TBC1D14: variants seen among roughly 807,000 people sequenced by gnomAD.
TBC1D14 encodes TBC1 domain family, member 14.
In TBC1D14, 26 loss-of-function variants were observed where a neutral mutation model predicts 79.0. The observed-to-expected ratio is 0.33, with a 90% CI of 0.24 to 0.46. The LOEUF (loss-of-function observed/expected upper bound fraction) is 0.46, where lower values mean the gene tolerates loss of function less well. Ranked by LOEUF, TBC1D14 falls within the 20% of genes least tolerant of loss-of-function variation. The probability of loss-of-function intolerance (pLI) is 1.00; values close to 1 mark genes in which losing one functional copy is unlikely to be tolerated. For synonymous variants in TBC1D14, 394 were observed against 349.9 expected, an observed-to-expected ratio of 1.13 and a Z score of -1.40; for missense variants, 769 against 887.6, an observed-to-expected ratio of 0.87 and a Z score of 1.70.
intron 3 of TBC1D14, among the ~76,000 whole-genome samples, chr4:6,968,979 G>T (rs1156313675): frequency 6.6e-6 from 1 of 152,300 alleles, no homozygotes; most frequent in African/African-American, 2.4e-5. Context: ...GTTTGTTGGG[G>T]GTGAGGCGGG....
chr4:6,923,701 C>T lies in TBC1D14; in HGVS notation c.312C>T (p.Ala104=), dbSNP rs553894612. 303 of 1,613,824 alleles carry T rather than the reference C, an allele frequency of 1.9e-4. 1 individual carries two copies. The South Asian group carries it at 2.9e-3, about 15-fold the overall frequency. ...TCCCCGAGCGGGCCTTCCAGAGCGC[C>T]TGCGCGCTGCCATCCTGTGCGCCAC... ...DLIPERAFQS[A]CALPSCAPPA... The change falls in exon 2 of 14, where the codon GCC becomes GCT. Residue 104 remains alanine (A), a synonymous_variant. Coordinates refer to ENST00000409757, the MANE Select transcript of TBC1D14 (RefSeq NM_020773.3).
At chr4:6,996,784 A>G (rs1382347944) in intron 5 of TBC1D14, among the ~76,000 whole-genome samples, 2 of 152,208 alleles carry the variant, frequency 1.3e-5, no homozygotes, top group Non-Finnish European at 2.9e-5. Context: ...GCAGAAGGCT[A>G]CTATCCATTC....
chr4:6,957,663 T>G (rs1714768541), intron 2 of TBC1D14, among the ~76,000 whole-genome samples: 1 of 152,144 alleles, frequency 6.6e-6, no homozygotes, highest in Non-Finnish European at 1.5e-5. Context: ...CTTAGAAAGT[T>G]AGAGGGAGAA....
intron 12 of TBC1D14, among the ~76,000 whole-genome samples, chr4:7,023,441 C>CAGG (rs1330016274): frequency 6.6e-6 from 1 of 152,142 alleles, no homozygotes; most frequent in Non-Finnish European, 1.5e-5. Flanking sequence ...GCATGCTCTC[C>CAGG]AGGTACAATT....
intron 2 of TBC1D14, among the ~76,000 whole-genome samples, chr4:6,941,319 G>A (rs1369234349): frequency 2.6e-5 from 4 of 151,558 alleles, no homozygotes; most frequent in South Asian, 4.2e-4. Context: ...CCGGGTAGCT[G>A]GGACTACAGG....
intron 2 of TBC1D14, among the ~76,000 whole-genome samples, chr4:6,948,607 G>A (rs924716335): frequency 6.6e-6 from 1 of 152,126 alleles, no homozygotes; most frequent in African/African-American, 2.4e-5. Flanking sequence ...GGTCCCACTC[G>A]CGGTGTGTGG....
At chr4:6,991,257 A>T (rs769820734) in intron 3 of TBC1D14, among the ~76,000 whole-genome samples, 5 of 152,208 alleles carry the variant, frequency 3.3e-5, no homozygotes, top group Non-Finnish European at 5.9e-5. Flanking sequence ...CACGGTTGTG[A>T]AAACTACTGA....
At chr4:6,961,952 C>T (rs879283846) in intron 2 of TBC1D14, among the ~76,000 whole-genome samples, 1 of 152,196 alleles carries the variant, frequency 6.6e-6, no homozygotes, top group Non-Finnish European at 1.5e-5. Context: ...TGAATGAATG[C>T]GGCCGAGGGC....
chr4:6,988,542 GTCAGTC>G (rs1440418108), intron 3 of TBC1D14, among the ~76,000 whole-genome samples: 2 of 152,234 alleles, frequency 1.3e-5, no homozygotes, highest in African/African-American at 4.8e-5. Flanking sequence ...ATTAGTTCAA[GTCAGTC>G]TTTTGATAGG....
At chr4:6,978,086 C>T (rs1716962579) in intron 3 of TBC1D14, among the ~76,000 whole-genome samples, 1 of 149,822 alleles carries the variant, frequency 6.7e-6, no homozygotes, top group African/African-American at 2.4e-5. Context: ...CAGCCCCCCG[C>T]CTGGCCAGCC....
chr4:6,929,985 A>G (rs1711578983), intron 2 of TBC1D14, among the ~76,000 whole-genome samples: 1 of 152,242 alleles, frequency 6.6e-6, no homozygotes, highest in Non-Finnish European at 1.5e-5. Context: ...GTTTCTAAAA[A>G]AGACAACACC....
At chr4:6,928,819 G>T (rs1333066954) in intron 2 of TBC1D14, among the ~76,000 whole-genome samples, 1 of 152,216 alleles carries the variant, frequency 6.6e-6, no homozygotes, top group Non-Finnish European at 1.5e-5. Context: ...ATAGGAACAA[G>T]TTCATGCTTC....
At position 6,967,286 on chromosome 4, in the gene TBC1D14, G is replaced by A. The variant is rs1715787134; in HGVS notation, c.723-18G>A. The A allele has an allele frequency of 4.3e-6, 7 of 1,612,334 alleles. No individual in the cohort carries two copies. Among genetic ancestry groups the A allele is most frequent in the Non-Finnish European group, 5.9e-6 (7 of 1,179,586 alleles). On this transcript the variant is annotated intron_variant, in intron 2 of 13. Transcript: ENST00000409757. ...AATTACCCAGAAATGCCCTAACCTT[G>A]TTATTTTCTTCCTATAGGAACTTGC...
At chr4:7,021,249 T>C (rs1721803318) in intron 12 of TBC1D14, among the ~76,000 whole-genome samples, 1 of 152,248 alleles carries the variant, frequency 6.6e-6, no homozygotes, top group African/African-American at 2.4e-5. Context: ...ACGCAGCTTT[T>C]GTCTGGGGTC....
chr4:6,985,955 A>G (rs1717780781), intron 3 of TBC1D14, among the ~76,000 whole-genome samples: 1 of 152,240 alleles, frequency 6.6e-6, no homozygotes, highest in East Asian at 1.9e-4. Flanking sequence ...AAATGTATAC[A>G]GTTATGCAAC....
chr4:7,013,274 C>T (rs1432441752), intron 11 of TBC1D14, among the ~76,000 whole-genome samples: 1 of 152,222 alleles, frequency 6.6e-6, no homozygotes, highest in Non-Finnish European at 1.5e-5. Context: ...AGCACCTGCC[C>T]CCGGTTATGA....
chr4:6,991,068 CT>C (rs1718438125), intron 3 of TBC1D14, among the ~76,000 whole-genome samples: 1 of 152,210 alleles, frequency 6.6e-6, no homozygotes, highest in Admixed American at 6.5e-5. Context: ...CACCATTTCT[CT>C]TCTGAAAGGG....
chr4:7,027,588 C>T (rs1722542209), intron 13 of TBC1D14, among the ~76,000 whole-genome samples: 1 of 148,086 alleles, frequency 6.8e-6, no homozygotes, highest in African/African-American at 2.5e-5. Context: ...CACACACCCA[C>T]CCACGCATAC....
chr4:6,999,113 G>A lies in TBC1D14; in HGVS notation c.1074G>A (p.Lys358=), dbSNP rs1449564432. ...RELKEAQRRK[K]QLEERCRVEE... is the part of the protein sequence containing the mutation. Reference sequence around the variant, plus strand: ...TGAAAGAAGCCCAGCGAAGGAAGAAGCAGCTGGAAGAAAGATGCAGAGTCG... The same window carrying A: ...TGAAAGAAGCCCAGCGAAGGAAGAAACAGCTGGAAGAAAGATGCAGAGTCG... The change falls in exon 6 of 14, where the codon AAG becomes AAA. Residue 358 remains lysine, a synonymous_variant. Transcript: ENST00000409757. The A allele has an allele frequency of 6.2e-7, 1 of 1,614,094 alleles. No homozygotes were observed. Among genetic ancestry groups the A allele is most frequent in the Non-Finnish European group, 8.5e-7 (1 of 1,180,024 alleles).
Sources: gnomAD v4.1 joint callset for allele counts (sites outside exome capture counted in the v4.1 genomes callset) on GRCh38, gnomAD v4.1.1 for gene constraint, MANE v1.5 for transcripts, NCBI Gene and HGNC (gene_info 2026-07-23, HGNC 2026-07-21) for gene names.